BBS1: variants seen among roughly 807,000 people sequenced by gnomAD.
BBS1 encodes the protein BBSome complex member BBS1.
BBS1 carries 60 observed loss-of-function variants against 73.9 expected under a neutral mutation model. That is an observed-to-expected ratio of 0.81 (90% CI 0.66 to 1.01). The LOEUF is 1.01. Ranked by LOEUF, BBS1 falls within the 50% of genes least tolerant of loss-of-function variation. The probability of loss-of-function intolerance (pLI) is 0.00; values close to 1 mark genes in which losing one functional copy is unlikely to be tolerated. For synonymous variants in BBS1, 283 were observed against 317.4 expected (o/e 0.89, Z 1.15); for missense variants, 718 against 770.3 (o/e 0.93, Z 0.80).
intron 3 of BBS1, 148 bp downstream of exon 3, chr11:66,511,387 A>G (rs1362082331): frequency 5.3e-6 from 5 of 944,694 alleles, no homozygotes; most frequent in Non-Finnish European, 7.8e-6. Flanking sequence ...TTGTTTTTAT[A>G]TGGAAAGTGA....
Position 66,532,190 on chromosome 11 carries a change from G to A in BBS1, c.*153G>A. ...CCGCTTCCTCACCACCCCCACTGTT[G>A]GGCCTATAGTAGCAGGTTAGTGAGT... On this transcript the variant is annotated 3_prime_UTR_variant, in exon 17 of 17. Coordinates refer to ENST00000318312, the MANE Select transcript of BBS1 (RefSeq NM_024649.5). The A allele has an allele frequency of 2.5e-6, 2 of 798,296 alleles. No homozygotes were observed. The highest frequency in any genetic ancestry group is 2.5e-5 in the Admixed American group (1 of 40,156). The allele number at this position is 798,296 out of a possible 1,614,324, so 49.5% of individuals were successfully genotyped here. A position where few individuals can be genotyped will look rare whatever the true frequency, so the allele number is the denominator to read the frequency against.
intron 7 of BBS1, among the ~76,000 whole-genome samples, chr11:66,518,509 A>T (rs1055135105): frequency 3.4e-5 from 5 of 146,518 alleles, no homozygotes; most frequent in African/African-American, 1.3e-4. Flanking sequence ...TCTGTCACCC[A>T]GGCTGGAGTA....
intron 8 of BBS1, chr11:66,520,908 A>C (rs1309491171): frequency 2.9e-6 from 1 of 344,106 alleles, no homozygotes; most frequent in Non-Finnish European, 5.7e-6. Flanking sequence ...TGGTAGAGAC[A>C]AAGTTTTGCC....
At chr11:66,529,161 G>A in intron 13 of BBS1, 2 of 1,392,268 alleles carry the variant, frequency 1.4e-6, no homozygotes, top group Non-Finnish European at 1.9e-6. Context: ...GGACCGAGGT[G>A]CCCAGTCTGG....
At position 66,523,488 on chromosome 11, in the gene BBS1, T is replaced by G; in HGVS notation, c.863T>G (p.Leu288Arg). ...DSKHPKYCIE[L>R]SAQPVGLIRV... ...AAGCACCCCAAGTACTGCATCGAGC[T>G]GAGCGCCCAGCCTGTGGGACTTATC... Residue 288 changes from leucine (L) to arginine (R), a missense_variant, in exon 10 of 17, where the codon CTG (leucine) becomes CGG (arginine). Leu to Arg is a moderately radical substitution (Grantham distance 102). Coordinates refer to ENST00000318312, the MANE Select transcript of BBS1 (RefSeq NM_024649.5). The G allele has an allele frequency of 6.2e-7, 1 of 1,614,124 alleles. No individual in the cohort carries two copies.
Position 66,519,912 on chromosome 11 carries a change from G to A in BBS1, c.723+164G>A, listed in dbSNP as rs11227515. On this transcript the variant is annotated intron_variant, in intron 8 of 16. Coordinates refer to ENST00000318312, the MANE Select transcript of BBS1 (RefSeq NM_024649.5). The stretch of plus-strand genomic sequence containing the variant: ...TCCAAAAATCCTACCGCCTATGGAT[G>A]TATACTGTTAAAGTTGAGGCATAGG... 0.23 allele frequency: 187,638 copies of A among 806,702 alleles called. 23,247 individuals carry two copies. Among genetic ancestry groups the A allele is most frequent in the East Asian group, 0.26 (8,972 of 34,330 alleles). 50.0% of individuals were successfully genotyped at this position (806,702 alleles called of 1,614,324 possible).
chr11:66,523,868 G>A lies in BBS1; in HGVS notation c.1096G>A (p.Val366Ile), dbSNP rs764183402. The A allele has an allele frequency of 6.2e-6, 10 of 1,613,202 alleles. No individual in the cohort carries two copies. The highest frequency in any genetic ancestry group is 8.5e-6 in the Non-Finnish European group (10 of 1,180,036). ...RIYRDKALLN[V>I]IHTPDAVTSL... ...TTATCGTGACAAGGCCCTGCTCAAT[G>A]TCATCCACACCCCGGTGAGCCCCAT... Residue 366 changes from valine to isoleucine, a missense_variant, in exon 11 of 17, where the codon GTC becomes ATC. By Grantham distance (29) the Val-to-Ile change is conservative (BLOSUM62 3). Transcript: ENST00000318312.
chr11:66,531,621 G>T, intron 15 of BBS1, 35 bp from the exon 16 acceptor site: 1 of 1,613,890 alleles, frequency 6.2e-7, no homozygotes, highest in Non-Finnish European at 8.5e-7. Context: ...CTGGCACGAG[G>T]GCTGGTTTCC....
At chr11:66,529,120 C>T in intron 13 of BBS1, 1 of 980,738 alleles carries the variant, frequency 1.0e-6, no homozygotes, top group Non-Finnish European at 1.2e-6. Context: ...AGCCACTTCA[C>T]ACATAAACGG....
intron 13 of BBS1, 154 bp downstream of exon 13, chr11:66,526,961 G>A: frequency 6.4e-7 from 1 of 1,562,946 alleles, no homozygotes; most frequent in East Asian, 2.4e-5. Flanking sequence ...GACAGCCTAG[G>A]AGGTACACGT....
chr11:66,530,796 G>A, intron 14 of BBS1, 98 bp from the exon 15 acceptor site: 1 of 1,522,744 alleles, frequency 6.6e-7, no homozygotes, highest in Non-Finnish European at 9.1e-7. Context: ...TAGGAGGAGG[G>A]GACATGAGGG....
At chr11:66,527,134 T>C (rs1856549301) in intron 13 of BBS1, 1 of 924,120 alleles carries the variant, frequency 1.1e-6, no homozygotes, top group South Asian at 1.5e-5. Context: ...CCCAACACTT[T>C]GGCAGAGGTG....
chr11:66,530,842 G>T lies in BBS1; in HGVS notation c.1474-52G>T, dbSNP rs374542119. The T allele has an allele frequency of 1.9e-6, 3 of 1,613,314 alleles. No homozygotes were observed. The South Asian group carries it at 3.3e-5, about 18-fold the overall frequency. On this transcript the variant is annotated intron_variant, in intron 14 of 16. Coordinates refer to ENST00000318312, the MANE Select transcript of BBS1 (RefSeq NM_024649.5). ...AGGCAGGCAGAGCACACTGTACTCCGTGCCCAAGGCTGCCAGGTCCTAAGG... is the reference window on the plus strand; with the variant it reads ...AGGCAGGCAGAGCACACTGTACTCCTTGCCCAAGGCTGCCAGGTCCTAAGG...
Position 66,515,786 on chromosome 11 carries a change from CGCCAGAATGT to C in BBS1, c.518+65_519-56del. The C allele has an allele frequency of 3.1e-6, 5 of 1,613,718 alleles. No homozygotes were observed. In the South Asian group the frequency reaches 3.3e-5, roughly 11 times the overall value. The stretch of plus-strand genomic sequence containing the variant: ...GGAGGCTCCAGGGAGAGGAAGCAGC[CGCCAGAATGT>C]GCCAGAATGATGGAGGAGGGCAGCG... On this transcript the variant is annotated intron_variant, in intron 6 of 16. Coordinates refer to ENST00000318312, the MANE Select transcript of BBS1 (RefSeq NM_024649.5).
rs549328293 is a variant in BBS1 at position 66,525,216 on chromosome 11, C to T, written c.1111-907C>T. 4.1e-4 allele frequency among the ~76,000 whole-genome samples: 53 copies of T among 128,422 alleles called. No individual in the cohort carries two copies. In the East Asian group the frequency reaches 0.013, roughly 31 times the overall value. The allele number at this position is 128,422 out of a possible 152,430, so 84.2% of individuals were successfully genotyped here. Reference sequence around the variant, plus strand: ...CTCCATCTCAAAAAAAAAAAAAAAGCCGGGTGTGATGGCACACCTGTAATC... The same window carrying T: ...CTCCATCTCAAAAAAAAAAAAAAAGTCGGGTGTGATGGCACACCTGTAATC... On this transcript the variant is annotated intron_variant, in intron 11 of 16. Coordinates refer to ENST00000318312, the MANE Select transcript of BBS1 (RefSeq NM_024649.5).
chr11:66,522,659 T>A (rs1355216380), intron 9 of BBS1, among the ~76,000 whole-genome samples: 1 of 152,190 alleles, frequency 6.6e-6, no homozygotes, highest in Non-Finnish European at 1.5e-5. Context: ...CATGCATTTT[T>A]TTAATTCAAT....
intron 7 of BBS1, 51 bp downstream of exon 7, chr11:66,515,984 T>A (rs535392359): frequency 1.9e-6 from 3 of 1,576,482 alleles, no homozygotes; most frequent in South Asian, 2.2e-5. Flanking sequence ...TACATTTTTT[T>A]AAAAGACCAC....
At chr11:66,519,872 T>A (rs2134781033) in intron 8 of BBS1, 124 bp downstream of exon 8, 1 of 1,299,446 alleles carries the variant, frequency 7.7e-7, no homozygotes, top group Non-Finnish European at 1.1e-6. Flanking sequence ...AGATAAGCAT[T>A]AAAAAAGATA....
rs745656125 is a variant in BBS1 at position 66,529,926 on chromosome 11, C to T, written c.1447C>T (p.Arg483Ter). Reference sequence around the variant, plus strand: ...CCTGAGCCCCCTGTCCACGACAGCCCGAGAGCCACTCAAGCTGCACGCCGT... The same window carrying T: ...CCTGAGCCCCCTGTCCACGACAGCCTGAGAGCCACTCAAGCTGCACGCCGT... ...SSLSPLSTTAREPLKLHAVVQ... is the reference protein window; with the variant it reads ...SSLSPLSTTA Residue 483 changes from arginine (R) to a stop codon, truncating the protein, a stop_gained, in exon 14 of 17, where the codon CGA (arginine) becomes TGA (stop). Transcript: ENST00000318312. LOFTEE classifies it high-confidence loss of function. The T allele has an allele frequency of 1.2e-5, 20 of 1,604,816 alleles. No homozygotes were observed. Among genetic ancestry groups the T allele is most frequent in the Admixed American group, 1.7e-5 (1 of 59,878 alleles).
Sources: allele counts gnomAD v4.1 joint callset (sites outside exome capture counted in the v4.1 genomes callset), GRCh38; gene constraint gnomAD v4.1.1; transcripts MANE v1.5; gene names NCBI Gene and HGNC (gene_info 2026-07-23, HGNC 2026-07-21).